TCOF1: variants seen among roughly 807,000 people sequenced by gnomAD.
TCOF1 encodes treacle protein.
TCOF1 carries 33 observed loss-of-function variants against 149.0 expected under a neutral mutation model. The ratio of observed to expected loss-of-function variants is 0.22; its 90% CI spans 0.17 to 0.30. The LOEUF (loss-of-function observed/expected upper bound fraction) is 0.30, where lower values mean the gene tolerates loss of function less well. Ranked by LOEUF, TCOF1 falls within the 10% of genes least tolerant of loss-of-function variation. TCOF1 has a pLI of 1.00. For missense variants in TCOF1, 1,728 were observed against 1,840.7 expected (o/e 0.94, Z 1.12); for synonymous variants, 789 against 738.8 (o/e 1.07, Z -1.10).
chr5:150,371,049 G>A (rs1762422908), intron 6 of TCOF1, among the ~76,000 whole-genome samples: 1 of 152,188 alleles, frequency 6.6e-6, no homozygotes, highest in African/African-American at 2.4e-5. Flanking sequence ...GACCATGTAG[G>A]AGACTATTGG....
intron 17 of TCOF1, chr5:150,383,612 T>C: frequency 9.8e-7 from 1 of 1,020,218 alleles, no homozygotes; most frequent in Non-Finnish European, 1.5e-6. Flanking sequence ...TTGCCCCATT[T>C]GACAGATTGG....
At chr5:150,369,638 C>T in intron 6 of TCOF1, 36 bp downstream of exon 6, 1 of 1,609,834 alleles carries the variant, frequency 6.2e-7, no homozygotes. Flanking sequence ...TGCCCTCTCC[C>T]AGCCTCTAAC....
chr5:150,387,450 A>C (rs1465679639), intron 17 of TCOF1, among the ~76,000 whole-genome samples: 1 of 152,178 alleles, frequency 6.6e-6, no homozygotes, highest in African/African-American at 2.4e-5. Flanking sequence ...TCCCCAGGTG[A>C]ATTGCATATT....
At position 150,376,233 on chromosome 5, in the gene TCOF1, T is replaced by C. The variant is rs1345521328; in HGVS notation, c.2045T>C (p.Val682Ala). The change falls in exon 13 of 27, where the codon GTG (valine) becomes GCG (alanine). Residue 682 changes from valine to alanine, a missense_variant. By Grantham distance (64) the Val-to-Ala change is moderately conservative (BLOSUM62 0). Transcript: ENST00000643257. ...TCTCCAGCAGGCTCATCCCCAGCTG[T>C]GGCTGGGGGCACCCAGAGACCAGCA... ...ATSPAGSSPA[V>A]AGGTQRPAED... 1 of 1,614,060 alleles carries C rather than the reference T, an allele frequency of 6.2e-7. No individual in the cohort carries two copies. Among genetic ancestry groups the C allele is most frequent in the Admixed American group, 1.7e-5 (1 of 60,014 alleles).
Position 150,375,887 on chromosome 5 carries a change from C to T in TCOF1, c.1871C>T (p.Pro624Leu), listed in dbSNP as rs759554003. 2 of 1,614,162 alleles carry T rather than the reference C, an allele frequency of 1.2e-6. No homozygotes were observed. Among genetic ancestry groups the T allele is most frequent in the Admixed American group, 1.7e-5 (1 of 60,034 alleles). Residue 624 changes from proline to leucine, a missense_variant, in exon 12 of 27, where the codon CCA becomes CTA. By Grantham distance (98) the Pro-to-Leu change is moderately conservative. Around this residue, in one of 2 missense-constraint regions of TCOF1, gnomAD observed 1,696 missense variants for 1,765.4 expected, o/e 0.96. Coordinates refer to ENST00000643257, the MANE Select transcript of TCOF1 (RefSeq NM_001371623.1). ...GACAGTGCGGACAGTGAGGAGGCAC[C>T]AGCAGCCATGACTGCAGCTCAGGTG... is the stretch of plus-strand genomic sequence containing the variant. The part of the protein sequence containing the change: ...SSDSADSEEA[P>L]AAMTAAQAKP...
intron 7 of TCOF1, among the ~76,000 whole-genome samples, chr5:150,372,779 G>T (rs1292529781): frequency 3.9e-5 from 6 of 152,214 alleles, no homozygotes; most frequent in Non-Finnish European, 8.8e-5. Context: ...TGCGTTAGCT[G>T]CTGGTAAATG....
chr5:150,378,847 G>A, intron 14 of TCOF1, 58 bp from the exon 15 acceptor site: 1 of 1,612,816 alleles, frequency 6.2e-7, no homozygotes, highest in East Asian at 2.2e-5. Context: ...TGTATTCTTG[G>A]CTAGCTGCTT....
At chr5:150,367,707 T>C in intron 3 of TCOF1, 137 bp from the exon 4 acceptor site, 1 of 957,230 alleles carries the variant, frequency 1.0e-6, no homozygotes, top group Non-Finnish European at 1.6e-6. Flanking sequence ...CCTGCAAGTC[T>C]GGGCTCAGCC....
At chr5:150,369,453 T>G in intron 5 of TCOF1, 76 bp from the exon 6 acceptor site, 1 of 1,554,084 alleles carries the variant, frequency 6.4e-7, no homozygotes, top group Non-Finnish European at 8.9e-7. Context: ...AGCAGCTGGT[T>G]TGTGGGGAGG....
At chr5:150,384,799 C>G in intron 17 of TCOF1, 1 of 985,482 alleles carries the variant, frequency 1.0e-6, no homozygotes, top group Non-Finnish European at 1.2e-6. Flanking sequence ...AGTTCCTAAT[C>G]CCCAGCTCAC....
Position 150,357,754 on chromosome 5 carries a change from A to G in TCOF1, c.8A>G (p.Glu3Gly). Residue 3 changes from glutamate to glycine, a missense_variant, in exon 1 of 27, where the codon GAG becomes GGG. Coordinates refer to ENST00000643257, the MANE Select transcript of TCOF1 (RefSeq NM_001371623.1). MA[E>G]ARKRRELLPL... Reference sequence around the variant, plus strand: ...CGGCCGGGGGTCGCGGGTATGGCCGAGGCCAGGAAGCGGCGGGAGCTACTT... The same window carrying G: ...CGGCCGGGGGTCGCGGGTATGGCCGGGGCCAGGAAGCGGCGGGAGCTACTT... 6.5e-7 allele frequency: 1 copy of G among 1,549,006 alleles called. No individual in the cohort carries two copies. The highest frequency in any genetic ancestry group is 8.7e-7 in the Non-Finnish European group (1 of 1,146,458).
At chr5:150,382,992 A>T in intron 17 of TCOF1, 1 of 1,263,682 alleles carries the variant, frequency 7.9e-7, no homozygotes, top group Non-Finnish European at 1.1e-6. Flanking sequence ...GTCATTGCCT[A>T]CTGGCTGTTT....
chr5:150,364,555 G>A (rs928393945), intron 3 of TCOF1, among the ~76,000 whole-genome samples: 2 of 152,232 alleles, frequency 1.3e-5, no homozygotes, highest in East Asian at 3.8e-4. Context: ...TAGCTGGAAA[G>A]AAGACACACG....
At chr5:150,384,519 C>G (rs1226321192) in intron 17 of TCOF1, 7 of 985,368 alleles carry the variant, frequency 7.1e-6, no homozygotes, top group African/African-American at 1.7e-5. Flanking sequence ...CTGTGTGGAG[C>G]CTTTACGAGG....
chr5:150,393,439 C>T lies in TCOF1; in HGVS notation c.3671C>T (p.Pro1224Leu). 2 of 1,614,158 alleles carry T rather than the reference C, an allele frequency of 1.2e-6. No homozygotes were observed. The highest frequency in any genetic ancestry group is 1.1e-5 in the South Asian group (1 of 91,078). ...PANSQASKAT[P>L]KLDSSPSVSS... Reference sequence around the variant, plus strand: ...AATTCCCAGGCCTCAAAAGCCACTCCCAAGCTAGACTCCAGCCCCTCAGTT... The same window carrying T: ...AATTCCCAGGCCTCAAAAGCCACTCTCAAGCTAGACTCCAGCCCCTCAGTT... The change falls in exon 23 of 27, where the codon CCC becomes CTC. Residue 1224 changes from proline to leucine, a missense_variant. By Grantham distance (98) the Pro-to-Leu change is moderately conservative (BLOSUM62 -3). This residue lies in a region of TCOF1 where 1,696 missense variants were observed against 1,765.4 expected (regional missense o/e 0.96). Coordinates refer to ENST00000643257, the MANE Select transcript of TCOF1 (RefSeq NM_001371623.1).
chr5:150,391,564 T>G lies in TCOF1; in HGVS notation c.3204T>G (p.Ala1068=). 1 of 1,614,084 alleles carries G rather than the reference T, an allele frequency of 6.2e-7. No homozygotes were observed. The highest frequency in any genetic ancestry group is 8.5e-7 in the Non-Finnish European group (1 of 1,179,998). Reference sequence around the variant, plus strand: ...CACAGGTGTCAAAGAAGAACCCAGCTTCCCTCCCACTGACCCAGGCTGCCC... The same window carrying G: ...CACAGGTGTCAAAGAAGAACCCAGCGTCCCTCCCACTGACCCAGGCTGCCC... ...PATQVSKKNP[A]SLPLTQAALK... is the part of the protein sequence containing the mutation. Residue 1068 remains alanine, a synonymous_variant, in exon 20 of 27, where the codon GCT becomes GCG. Coordinates refer to ENST00000643257, the MANE Select transcript of TCOF1 (RefSeq NM_001371623.1).
rs764922295 is a variant in TCOF1, at chr5:150,376,475, A to C, written c.2195A>C (p.Lys732Thr). Reference sequence around the variant, plus strand: ...GTGAAAGCAGCCTCAGTGCCTGTCAAGGGGTCCTTGGGGCAAGGGACTGCT... The same window carrying C: ...GTGAAAGCAGCCTCAGTGCCTGTCACGGGGTCCTTGGGGCAAGGGACTGCT... ...LQVKAASVPVKGSLGQGTAPV... is the reference protein window; with the variant it reads ...LQVKAASVPVTGSLGQGTAPV... The change falls in exon 14 of 27, where the codon AAG becomes ACG. Residue 732 changes from lysine to threonine, a missense_variant. Physicochemically the swap from Lys to Thr is moderately conservative, Grantham distance 78. Around this residue, in one of 2 missense-constraint regions of TCOF1, gnomAD observed 1,696 missense variants for 1,765.4 expected, o/e 0.96. Transcript: ENST00000643257. 1 of 1,614,178 alleles carries C rather than the reference A, an allele frequency of 6.2e-7. No homozygotes were observed. Among genetic ancestry groups the C allele is most frequent in the South Asian group, 1.1e-5 (1 of 91,090 alleles).
At chr5:150,379,467 C>T in intron 16 of TCOF1, 59 bp downstream of exon 16, 1 of 1,614,126 alleles carries the variant, frequency 6.2e-7, no homozygotes, top group South Asian at 1.1e-5. Context: ...TTGCCACATC[C>T]AGCTCCTGTC....
At chr5:150,372,676 CAG>C (rs1241632517) in intron 7 of TCOF1, among the ~76,000 whole-genome samples, 1 of 152,222 alleles carries the variant, frequency 6.6e-6, no homozygotes, top group African/African-American at 2.4e-5. Context: ...CAATGGAAGT[CAG>C]AGCAGGAAGG....
Sources: allele counts gnomAD v4.1 joint callset (sites outside exome capture counted in the v4.1 genomes callset), GRCh38; gene constraint gnomAD v4.1.1; regional missense constraint gnomAD v4.1.1; transcripts MANE v1.5; gene names NCBI Gene and HGNC (gene_info 2026-07-23, HGNC 2026-07-21).